The following ADGRL3 variants were observed in gnomAD, a reference collection of about 807,000 sequenced individuals.
ADGRL3 encodes adhesion G protein-coupled receptor L3.
ADGRL3 carries 62 observed loss-of-function variants against 153.5 expected under a neutral mutation model. The ratio of observed to expected loss-of-function variants is 0.40; its 90% CI spans 0.33 to 0.50. The LOEUF (loss-of-function observed/expected upper bound fraction) is 0.50, where lower values mean the gene tolerates loss of function less well. Ranked by LOEUF, ADGRL3 falls within the 20% of genes least tolerant of loss-of-function variation. ADGRL3 has a pLI of 0.47. For synonymous variants in ADGRL3, 710 were observed against 672.5 expected (o/e 1.06, Z -0.86); for missense variants, 1,641 against 1,859.4 (o/e 0.88, Z 2.16).
chr4:62,068,889 A>G (rs1023507499), intron 26 of ADGRL3, among the ~76,000 whole-genome samples: 1 of 152,196 alleles, frequency 6.6e-6, no homozygotes, highest in Admixed American at 6.5e-5. Context: ...CACGTAATTT[A>G]AACTAGTAAT....
chr4:61,959,565 G>A (rs953556020), intron 17 of ADGRL3, among the ~76,000 whole-genome samples: 7 of 152,086 alleles, frequency 4.6e-5, no homozygotes, highest in African/African-American at 1.2e-4. Flanking sequence ...ATTCAAAACA[G>A]TCACAGTTTG....
At chr4:61,565,069 CAG>C (rs1223286794) in intron 4 of ADGRL3, among the ~76,000 whole-genome samples, 1 of 152,036 alleles carries the variant, frequency 6.6e-6, no homozygotes, top group Admixed American at 6.6e-5. Context: ...CAAAATGTGA[CAG>C]AGACAGGTAG....
At chr4:61,757,227 T>A (rs929842239) in intron 8 of ADGRL3, among the ~76,000 whole-genome samples, 1 of 152,172 alleles carries the variant, frequency 6.6e-6, no homozygotes, top group Non-Finnish European at 1.5e-5. Context: ...CTGGTAGAAT[T>A]CGGCTGTGAA....
chr4:61,258,825 C>A (rs2092252474), intron 1 of ADGRL3, among the ~76,000 whole-genome samples: 1 of 152,036 alleles, frequency 6.6e-6, no homozygotes, highest in African/African-American at 2.4e-5. Context: ...TCATATATAT[C>A]ACAAAAATAA....
At chr4:61,799,214 A>G (rs539731329) in intron 8 of ADGRL3, among the ~76,000 whole-genome samples, 1 of 151,646 alleles carries the variant, frequency 6.6e-6, no homozygotes, top group Non-Finnish European at 1.5e-5. Flanking sequence ...AAGAATGATA[A>G]CTACAATTAT....
intron 19 of ADGRL3, among the ~76,000 whole-genome samples, chr4:61,992,400 G>A (rs1375137756): frequency 6.6e-6 from 1 of 152,146 alleles, no homozygotes; most frequent in Non-Finnish European, 1.5e-5. Context: ...CCACCTTAAA[G>A]GCTGAATGAA....
chr4:61,317,437 G>A (rs1001740426), intron 1 of ADGRL3, among the ~76,000 whole-genome samples: 3 of 152,150 alleles, frequency 2.0e-5, no homozygotes, highest in African/African-American at 7.2e-5. Flanking sequence ...GTATTTCAAA[G>A]AGTGGTTAGA....
chr4:61,351,953 T>G (rs2096060423), intron 1 of ADGRL3, among the ~76,000 whole-genome samples: 1 of 152,182 alleles, frequency 6.6e-6, no homozygotes, highest in South Asian at 2.1e-4. Flanking sequence ...AGAAATGTAA[T>G]TCATAAGGCT....
chr4:61,951,549 T>C (rs1189842008), intron 17 of ADGRL3, among the ~76,000 whole-genome samples: 1 of 152,202 alleles, frequency 6.6e-6, no homozygotes, highest in Non-Finnish European at 1.5e-5. Context: ...ATGTGGATGA[T>C]AGATGTCAAT....
chr4:61,280,107 C>CTTTTTTTTTTTTTTTTTTT (rs771732117), intron 1 of ADGRL3, among the ~76,000 whole-genome samples: 1 of 94,668 alleles, frequency 1.1e-5, no homozygotes, highest in Non-Finnish European at 2.0e-5. Flanking sequence ...CTTTTCTTTT[C>CTTTTTTTTTTTTTTTTTTT]TTTTTCTTTT....
At chr4:61,590,974 G>A (rs191305779) in intron 5 of ADGRL3, among the ~76,000 whole-genome samples, 140 of 152,184 alleles carry the variant, frequency 9.2e-4, no homozygotes, top group Non-Finnish European at 1.4e-3. Flanking sequence ...AGAAAATTCC[G>A]TATATCATAC....
chr4:62,044,332 C>G lies in ADGRL3; in HGVS notation c.3718-121C>G. ...TACTGTACTGCAAACATGTAGTTGT[C>G]TATTTGCCAAATGCTAGAAACAAAG... is the stretch of plus-strand genomic sequence containing the variant. On this transcript the variant is annotated intron_variant, in intron 24 of 26. Coordinates refer to ENST00000683033, the MANE Select transcript of ADGRL3 (RefSeq NM_001387552.1). The G allele has an allele frequency of 4.5e-6, 3 of 670,466 alleles. No individual in the cohort carries two copies. In the South Asian group the frequency reaches 5.6e-5, roughly 13 times the overall value. 41.5% of individuals were successfully genotyped at this position (670,466 alleles called of 1,614,324 possible). A position where few individuals can be genotyped will look rare whatever the true frequency, so the allele number is the denominator to read the frequency against.
In ADGRL3 at chr4:61,996,313, T is replaced by C; in HGVS notation, c.3259T>C (p.Tyr1087His). 1.2e-6 allele frequency: 2 copies of C among 1,613,192 alleles called. No homozygotes were observed. The highest frequency in any genetic ancestry group is 1.7e-6 in the Non-Finnish European group (2 of 1,179,254). The stretch of plus-strand genomic sequence containing the variant: ...CAGATGTTGGCTCCGACTTGACACC[T>C]ACTTCATTTGGAGTTTTATAGGACC... ...DKVCWLRLDT[Y>H]FIWSFIGPAT... is the part of the protein sequence containing the mutation. Residue 1087 changes from tyrosine to histidine, a missense_variant, in exon 20 of 27, where the codon TAC becomes CAC. By Grantham distance (83) the Tyr-to-His change is moderately conservative. This residue lies in a region of ADGRL3 where 32 missense variants were observed against 66.2 expected (regional missense o/e 0.48). Coordinates refer to ENST00000683033, the MANE Select transcript of ADGRL3 (RefSeq NM_001387552.1).
At chr4:61,620,251 G>T (rs1368143775) in intron 5 of ADGRL3, among the ~76,000 whole-genome samples, 1 of 152,100 alleles carries the variant, frequency 6.6e-6, no homozygotes, top group Non-Finnish European at 1.5e-5. Context: ...ACATCCTAGG[G>T]CAATGGAAAG....
intron 15 of ADGRL3, among the ~76,000 whole-genome samples, chr4:61,939,255 C>T (rs141826866): frequency 9.8e-4 from 149 of 152,214 alleles, no homozygotes; most frequent in African/African-American, 3.5e-3. Context: ...AAATAATTTA[C>T]ATACACTAAA....
intron 1 of ADGRL3, among the ~76,000 whole-genome samples, chr4:61,360,567 C>T (rs1371975335): frequency 6.6e-6 from 1 of 152,042 alleles, no homozygotes; most frequent in East Asian, 1.9e-4. Context: ...TTCTTTTAAT[C>T]TTTCATGGTA....
chr4:61,427,293 G>A (rs983569996), intron 2 of ADGRL3: 13 of 152,676 alleles, frequency 8.5e-5, no homozygotes, highest in African/African-American at 3.1e-4. Context: ...CTCTGGCATT[G>A]TTCCATACCA....
intron 1 of ADGRL3, among the ~76,000 whole-genome samples, chr4:61,324,948 G>A (rs962717531): frequency 6.6e-6 from 1 of 152,088 alleles, no homozygotes; most frequent in Non-Finnish European, 1.5e-5. Context: ...AATTATTAAA[G>A]CACCAAATAC....
intron 5 of ADGRL3, among the ~76,000 whole-genome samples, chr4:61,636,785 T>C (rs1039161193): frequency 6.6e-6 from 1 of 150,950 alleles, no homozygotes; most frequent in Non-Finnish European, 1.5e-5. Flanking sequence ...GGCAAATACA[T>C]ATAGGATGTA....
Sources: gnomAD v4.1 joint callset for allele counts (sites outside exome capture counted in the v4.1 genomes callset) on GRCh38, gnomAD v4.1.1 for gene constraint, gnomAD v4.1.1 regional missense constraint, MANE v1.5 for transcripts, NCBI Gene and HGNC (gene_info 2026-07-23, HGNC 2026-07-21) for gene names.